Variants in EMID1 observed in about 807,000 individuals in gnomAD.
EMID1 encodes the protein EMI domain-containing protein 1.
In EMID1, 40 loss-of-function variants were observed where a neutral mutation model predicts 60.6. That is an observed-to-expected ratio of 0.66 (90% confidence interval 0.51 to 0.86). The LOEUF (loss-of-function observed/expected upper bound fraction) is 0.86, where lower values mean the gene tolerates loss of function less well. EMID1 is among the 40% of genes least tolerant of loss of function. The pLI is 0.00. For missense variants in EMID1, 585 were observed against 597.1 expected, an observed-to-expected ratio of 0.98 and a Z score of 0.21; for synonymous variants, 242 against 231.0, an observed-to-expected ratio of 1.05 and a Z score of -0.43.
chr22:29,251,130 G>T (rs1161683132), intron 13 of EMID1, among the ~76,000 whole-genome samples: 2 of 151,554 alleles, frequency 1.3e-5, no homozygotes, highest in Non-Finnish European at 2.9e-5. Flanking sequence ...TGTCGCCCTG[G>T]CTGGAGTGCA....
At position 29,258,817 on chromosome 22, in the gene EMID1, A is replaced by G; in HGVS notation, c.1205A>G (p.Glu402Gly). 1.2e-6 allele frequency: 2 copies of G among 1,613,070 alleles called. No homozygotes were observed. The highest frequency in any genetic ancestry group is 1.1e-5 in the South Asian group (1 of 91,062). Residue 402 changes from glutamate to glycine, a missense_variant and splice_region_variant, in exon 15 of 15, where the codon GAA becomes GGA. Physicochemically the swap from Glu to Gly is moderately conservative, Grantham distance 98. Transcript: ENST00000334018. ...LILETMIGLY[E>G]PELGSGAGPA... ...CCTCTCTCCTTCTTCCCTCCGGCAG[A>G]ACCAGAGCTGGGGTCTGGGGCGGGC...
At chr22:29,226,384 A>T (rs1048527696) in intron 4 of EMID1, 106 bp from the exon 5 acceptor site, 1 of 1,300,082 alleles carries the variant, frequency 7.7e-7, no homozygotes, top group Non-Finnish European at 1.1e-6. Context: ...GGTTGGGGTC[A>T]TCAGGTATCT....
intron 5 of EMID1, among the ~76,000 whole-genome samples, chr22:29,229,771 G>A (rs1047985949): frequency 6.6e-6 from 1 of 152,198 alleles, no homozygotes; most frequent in Admixed American, 6.5e-5. Context: ...CTCCCTCCCA[G>A]GAGAAGCCCA....
chr22:29,233,387 T>C lies in EMID1; in HGVS notation c.832T>C (p.Leu278=), dbSNP rs774578214. 13 of 1,614,002 alleles carry C rather than the reference T, an allele frequency of 8.1e-6. No individual in the cohort carries two copies. Among genetic ancestry groups the C allele is most frequent in the East Asian group, 2.2e-5 (1 of 44,876 alleles). The change falls in exon 9 of 15, where the codon TTG becomes CTG. Residue 278 remains leucine (L), a synonymous_variant. Coordinates refer to ENST00000334018, the MANE Select transcript of EMID1 (RefSeq NM_133455.4). ...HARISQHGDP[L]LSNTFTETNN... ...CATCTTTGCTCACCCAGGAGACCCA[T>C]TGCTGTCCAACACCTTCACTGAGAC...
intron 3 of EMID1, chr22:29,216,315 T>C (rs2040081093): frequency 2.0e-6 from 2 of 985,190 alleles, no homozygotes; most frequent in African/African-American, 1.7e-5. Context: ...CCCTCTCCTC[T>C]CCTCCAGGCA....
chr22:29,233,338 C>G (rs368702362), intron 8 of EMID1, 41 bp from the exon 9 acceptor site: 3 of 1,608,802 alleles, frequency 1.9e-6, no homozygotes, highest in Non-Finnish European at 1.7e-6. Context: ...AACCACCCCA[C>G]TCTACCCAGC....
At chr22:29,211,519 T>G (rs1269126698) in intron 1 of EMID1, among the ~76,000 whole-genome samples, 2 of 151,278 alleles carry the variant, frequency 1.3e-5, no homozygotes, top group African/African-American at 4.9e-5. Flanking sequence ...ATCTGTGTGT[T>G]TGTGTGGATC....
chr22:29,251,462 A>G (rs1485195250), intron 13 of EMID1, among the ~76,000 whole-genome samples: 3 of 151,454 alleles, frequency 2.0e-5, no homozygotes, highest in Non-Finnish European at 2.9e-5. Flanking sequence ...TTGGCCACTT[A>G]AAGTGCTGGG....
rs1487598377 is a variant in EMID1 at position 29,225,074 on chromosome 22, G to C, written c.320-59G>C. ...CCTGCTGGGGCTACAGTGGTGGGCA[G>C]GGGGGCCTGAGGAGGCAAGGATCAC... On this transcript the variant is annotated intron_variant, in intron 3 of 14. Coordinates refer to ENST00000334018, the MANE Select transcript of EMID1 (RefSeq NM_133455.4). 1.9e-6 allele frequency: 3 copies of C among 1,549,852 alleles called. No individual in the cohort carries two copies. The Admixed American group carries it at 5.1e-5, about 26-fold the overall frequency.
chr22:29,256,095 C>T (rs1185047455), intron 14 of EMID1, among the ~76,000 whole-genome samples: 1 of 152,146 alleles, frequency 6.6e-6, no homozygotes, highest in Non-Finnish European at 1.5e-5. Context: ...CTATTCCTCA[C>T]CTGCCCAGCC....
intron 4 of EMID1, among the ~76,000 whole-genome samples, chr22:29,226,139 G>A (rs150533480): frequency 1.4e-3 from 216 of 152,284 alleles, no homozygotes; most frequent in African/African-American, 5.0e-3. Context: ...GAGGCTGGCT[G>A]GGGTCGCTGG....
intron 1 of EMID1, 82 bp downstream of exon 1, chr22:29,206,221 T>C (rs1337217155): frequency 2.1e-5 from 22 of 1,072,192 alleles, no homozygotes; most frequent in East Asian, 3.4e-5. Flanking sequence ...AGGGCTGGGA[T>C]TGGAGGGCGA....
At chr22:29,216,222 G>A in intron 3 of EMID1, 2 of 797,048 alleles carry the variant, frequency 2.5e-6, no homozygotes, top group Non-Finnish European at 3.0e-6. Context: ...ACCTCTGGGT[G>A]GCTCAGGGCT....
At chr22:29,208,410 G>A (rs2039759215) in intron 1 of EMID1, among the ~76,000 whole-genome samples, 1 of 152,204 alleles carries the variant, frequency 6.6e-6, no homozygotes, top group African/African-American at 2.4e-5. Flanking sequence ...GCTTGCCCCT[G>A]CCCCTGGGGC....
rs1216835911 is a variant in EMID1, at chr22:29,258,799, CCTT to C, written c.1205-13_1205-11del. The C allele has an allele frequency of 6.8e-6, 11 of 1,612,804 alleles. No individual in the cohort carries two copies. Among genetic ancestry groups the C allele is most frequent in the African/African-American group, 2.7e-5 (2 of 74,922 alleles). ...TGAACCCCTCTAATGTGGCCTCTCT[CCTT>C]CTTCCCTCCGGCAGAACCAGAGCTG... On this transcript the variant is annotated splice_polypyrimidine_tract_variant and intron_variant, in intron 14 of 14. Transcript: ENST00000334018.
At chr22:29,244,699 AG>A (rs149704925) in intron 13 of EMID1, among the ~76,000 whole-genome samples, 4,339 of 151,934 alleles carry the variant, frequency 0.029, 93 homozygotes, top group Non-Finnish European at 0.046. Context: ...AAATCATTGC[AG>A]GGGAGGGATT....
chr22:29,208,027 C>T (rs929217859), intron 1 of EMID1, among the ~76,000 whole-genome samples: 45 of 152,220 alleles, frequency 3.0e-4, no homozygotes, highest in African/African-American at 1.0e-3. Flanking sequence ...CTCTCAGTTT[C>T]CTTCTTTCCT....
chr22:29,231,611 G>T lies in EMID1; in HGVS notation c.605G>T (p.Gly202Val). 1 of 1,526,916 alleles carries T rather than the reference G, an allele frequency of 6.5e-7. No homozygotes were observed. The highest frequency in any genetic ancestry group is 1.4e-5 in the African/African-American group (1 of 72,754). 94.6% of individuals were successfully genotyped at this position (1,526,916 alleles called of 1,614,324 possible). Residue 202 changes from glycine to valine, a missense_variant, in exon 7 of 15, where the codon GGG becomes GTG. Transcript: ENST00000334018. ...GGLQDQVGAW[G>V]LPGPTGPKGD... is the part of the protein sequence containing the mutation. The stretch of plus-strand genomic sequence containing the variant: ...CCCCCAGACCAAGTCGGTGCTTGGG[G>T]GCTTCCCGGGCCCACCGGCCCCAAG...
In EMID1 at chr22:29,232,326, T is replaced by C; in HGVS notation, c.747T>C (p.Pro249=). ...GCACCCCTGGAGAGAGGGGACCTCC[T>C]GGGCCACCAGGGCCTCCTGGCCCCC... The part of the protein sequence containing the change: ...AVGTPGERGP[P]GPPGPPGPPG... Residue 249 remains proline (P), a synonymous_variant, in exon 8 of 15, where the codon CCT becomes CCC. Transcript: ENST00000334018. 1 of 1,610,116 alleles carries C rather than the reference T, an allele frequency of 6.2e-7. No homozygotes were observed. Among genetic ancestry groups the C allele is most frequent in the Non-Finnish European group, 8.5e-7 (1 of 1,179,274 alleles).
Sources: allele counts gnomAD v4.1 joint callset (sites outside exome capture counted in the v4.1 genomes callset), GRCh38; gene constraint gnomAD v4.1.1; transcripts MANE v1.5; gene names NCBI Gene and HGNC (gene_info 2026-07-23, HGNC 2026-07-21).